AGBL1: variants seen among roughly 807,000 people sequenced by gnomAD.
The protein encoded by AGBL1 is AGBL carboxypeptidase 1, also known as cytosolic carboxypeptidase 4.
In AGBL1, 130 loss-of-function variants were observed where a neutral mutation model predicts 118.9. The observed-to-expected ratio is 1.09, with a 90% CI of 0.95 to 1.26. The LOEUF (loss-of-function observed/expected upper bound fraction) is 1.26, where lower values mean the gene tolerates loss of function less well. AGBL1 is among the 50% of genes most tolerant of loss of function. AGBL1 has a pLI of 0.00. For missense variants in AGBL1, 1,584 were observed against 1,298.1 expected, an observed-to-expected ratio of 1.22 and a Z score of -3.38; for synonymous variants, 555 against 478.9, an observed-to-expected ratio of 1.16 and a Z score of -2.08.
At chr15:86,408,981 T>C (rs982706481) in intron 18 of AGBL1, among the ~76,000 whole-genome samples, 1 of 152,168 alleles carries the variant, frequency 6.6e-6, no homozygotes, top group African/African-American at 2.4e-5. Context: ...ATAGGAATAG[T>C]TTAATCTCAC....
chr15:86,345,210 A>G (rs941804127), intron 17 of AGBL1, among the ~76,000 whole-genome samples: 1 of 151,464 alleles, frequency 6.6e-6, no homozygotes, highest in Non-Finnish European at 1.5e-5. Context: ...GAGAACATTT[A>G]GACAAGACTT....
intron 4 of AGBL1, among the ~76,000 whole-genome samples, chr15:86,157,520 C>T (rs1369371997): frequency 6.6e-6 from 1 of 152,082 alleles, no homozygotes; most frequent in African/African-American, 2.4e-5. Context: ...TGGGATTTTC[C>T]TGTGGGTATG....
chr15:86,741,036 C>A (rs1237411487), intron 22 of AGBL1, among the ~76,000 whole-genome samples: 1 of 152,032 alleles, frequency 6.6e-6, no homozygotes, highest in Non-Finnish European at 1.5e-5. Context: ...TGGGAGCACA[C>A]TCAAATGGCA....
chr15:86,607,609 C>A (rs1461718942), intron 21 of AGBL1, among the ~76,000 whole-genome samples: 1 of 152,128 alleles, frequency 6.6e-6, no homozygotes, highest in Non-Finnish European at 1.5e-5. Context: ...GGCCATTTTA[C>A]TGGGTGTGTA....
intron 18 of AGBL1, among the ~76,000 whole-genome samples, chr15:86,453,481 C>G (rs8033944): frequency 0.54 from 81,757 of 152,046 alleles, 22,822 homozygotes; most frequent in East Asian, 0.82. Context: ...CTTCTCCCTA[C>G]AGCAATTCCG....
rs868232070 is a variant in AGBL1, at chr15:86,969,695, G to T, written c.3222-18292G>T. 1.3e-5 allele frequency among the ~76,000 whole-genome samples: 2 copies of T among 152,076 alleles called. 1 individual carries two copies. Among genetic ancestry groups the T allele is most frequent in the South Asian group, 4.1e-4 (2 of 4,828 alleles). On this transcript the variant is annotated intron_variant, in intron 23 of 24. Transcript: ENST00000441037. ...TAAGGGTAGATGTACATATATATCT[G>T]CAGATATTTGTTGGTTGAATTTGCA...
chr15:86,277,694 A>G (rs1024078185), intron 15 of AGBL1, among the ~76,000 whole-genome samples: 4 of 152,246 alleles, frequency 2.6e-5, no homozygotes, highest in Non-Finnish European at 5.9e-5. Flanking sequence ...ATGCCAAATA[A>G]GACCAACCCT....
chr15:86,151,557 A>G (rs201999046), intron 3 of AGBL1, among the ~76,000 whole-genome samples: 2 of 152,178 alleles, frequency 1.3e-5, no homozygotes, highest in Non-Finnish European at 2.9e-5. Context: ...TGACAAACCC[A>G]CAGCCGATAT....
chr15:86,737,055 T>C (rs1268150608), intron 22 of AGBL1, among the ~76,000 whole-genome samples: 2 of 152,342 alleles, frequency 1.3e-5, no homozygotes, highest in South Asian at 2.1e-4. Flanking sequence ...TGCTGAATGC[T>C]ATGTGTAGAA....
intron 23 of AGBL1, among the ~76,000 whole-genome samples, chr15:86,936,993 G>A (rs1381498513): frequency 6.6e-6 from 1 of 152,132 alleles, no homozygotes; most frequent in Non-Finnish European, 1.5e-5. Context: ...GTGGGCAAAG[G>A]ACATGAACAG....
At chr15:86,717,876 G>A (rs546794610) in intron 22 of AGBL1, among the ~76,000 whole-genome samples, 4 of 152,162 alleles carry the variant, frequency 2.6e-5, no homozygotes, top group Admixed American at 6.5e-5. Flanking sequence ...TTAGGAGTTC[G>A]AGACCAGCCT....
At chr15:86,849,977 T>A (rs2079382193) in intron 22 of AGBL1, among the ~76,000 whole-genome samples, 1 of 152,246 alleles carries the variant, frequency 6.6e-6, no homozygotes, top group African/African-American at 2.4e-5. Context: ...AATCTTTCCA[T>A]TCCTATGCTG....
intron 21 of AGBL1, among the ~76,000 whole-genome samples, chr15:86,607,552 G>T (rs1407679141): frequency 1.3e-5 from 2 of 152,156 alleles, no homozygotes; most frequent in Non-Finnish European, 1.5e-5. Context: ...ATGAGTGAGA[G>T]TTCCCTCTAC....
intron 22 of AGBL1, among the ~76,000 whole-genome samples, chr15:86,850,690 T>A (rs2079396189): frequency 6.6e-6 from 1 of 152,022 alleles, no homozygotes; most frequent in African/African-American, 2.4e-5. Flanking sequence ...AAAATGGGAG[T>A]GATAAGAATA....
intron 24 of AGBL1, among the ~76,000 whole-genome samples, chr15:87,013,358 C>A (rs2081580707): frequency 1.3e-5 from 2 of 152,124 alleles, no homozygotes; most frequent in African/African-American, 4.8e-5. Context: ...CATCCCAAGT[C>A]TGGGGCTTTA....
At chr15:86,178,266 TCA>T (rs1186528706) in intron 5 of AGBL1, among the ~76,000 whole-genome samples, 6 of 152,050 alleles carry the variant, frequency 3.9e-5, no homozygotes, top group Non-Finnish European at 7.4e-5. Context: ...TGAGCCAAGG[TCA>T]CACCACTGCA....
At chr15:86,868,037 G>T (rs2079657961) in intron 22 of AGBL1, among the ~76,000 whole-genome samples, 1 of 152,162 alleles carries the variant, frequency 6.6e-6, no homozygotes, top group Non-Finnish European at 1.5e-5. Flanking sequence ...ATGTCAGATT[G>T]TGTATATTTT....
At chr15:86,436,335 G>A (rs914011995) in intron 18 of AGBL1, among the ~76,000 whole-genome samples, 2 of 151,602 alleles carry the variant, frequency 1.3e-5, no homozygotes, top group African/African-American at 4.8e-5. Context: ...CCAAAGAAGA[G>A]ATTGAAAATA....
intron 21 of AGBL1, among the ~76,000 whole-genome samples, chr15:86,584,035 ATTTT>A (rs2084211591): frequency 6.6e-6 from 1 of 151,688 alleles, no homozygotes; most frequent in Admixed American, 6.6e-5. Flanking sequence ...TAATGGGGTT[ATTTT>A]TTTGTTGCTT....
Sources: gnomAD v4.1 joint callset for allele counts (sites outside exome capture counted in the v4.1 genomes callset) on GRCh38, gnomAD v4.1.1 for gene constraint, MANE v1.5 for transcripts, NCBI Gene and HGNC (gene_info 2026-07-23, HGNC 2026-07-21) for gene names.